PAPPA: variants seen among roughly 807,000 people sequenced by gnomAD.
The protein encoded by PAPPA is pappalysin 1, also known as pappalysin-1.
PAPPA carries 60 observed loss-of-function variants against 164.0 expected under a neutral mutation model. The ratio of observed to expected loss-of-function variants is 0.37; its 90% confidence interval spans 0.30 to 0.45. The LOEUF (loss-of-function observed/expected upper bound fraction) is 0.45, where lower values mean the gene tolerates loss of function less well. Ranked by LOEUF, PAPPA falls within the 20% of genes least tolerant of loss-of-function variation. PAPPA has a pLI of 1.00. For synonymous variants in PAPPA, 875 were observed against 814.1 expected, an observed-to-expected ratio of 1.07 and a Z score of -1.27; for missense variants, 1,782 against 2,087.3, an observed-to-expected ratio of 0.85 and a Z score of 2.85.
At chr9:116,367,776 C>T in intron 19 of PAPPA, 22 bp downstream of exon 19, 1 of 1,491,804 alleles carries the variant, frequency 6.7e-7, no homozygotes, top group South Asian at 1.1e-5. Context: ...GGGACATCTA[C>T]CCACCTGCAG....
intron 5 of PAPPA, among the ~76,000 whole-genome samples, chr9:116,224,107 A>G (rs1844476422): frequency 6.6e-6 from 1 of 152,058 alleles, no homozygotes; most frequent in Non-Finnish European, 1.5e-5. Context: ...GGCCATCCTC[A>G]TGTCCTCCTG....
chr9:116,294,605 A>C (rs560819464), intron 9 of PAPPA, among the ~76,000 whole-genome samples: 1 of 152,314 alleles, frequency 6.6e-6, no homozygotes, highest in South Asian at 2.1e-4. Context: ...TCCCCTTTGT[A>C]AACCTTCAGC....
At chr9:116,256,008 T>TG (rs937185485) in intron 7 of PAPPA, among the ~76,000 whole-genome samples, 1 of 145,802 alleles carries the variant, frequency 6.9e-6, no homozygotes, top group African/African-American at 2.5e-5. Flanking sequence ...AAAAATTAAG[T>TG]GAAAAAAAAA....
At chr9:116,220,949 G>GTTTTTTTT (rs35056605) in intron 5 of PAPPA, among the ~76,000 whole-genome samples, 1 of 143,088 alleles carries the variant, frequency 7.0e-6, no homozygotes. Context: ...TGCACCAAAT[G>GTTTTTTTT]TTTTTTTTTT....
chr9:116,187,742 C>A lies in PAPPA; in HGVS notation c.1004C>A (p.Thr335Lys). 1 of 1,614,260 alleles carries A rather than the reference C, an allele frequency of 6.2e-7. No homozygotes were observed. Among genetic ancestry groups the A allele is most frequent in the Non-Finnish European group, 8.5e-7 (1 of 1,180,038 alleles). Residue 335 changes from threonine to lysine, a missense_variant, in exon 2 of 22, where the codon ACA becomes AAA. By Grantham distance (78) the Thr-to-Lys change is moderately conservative (BLOSUM62 -1). This residue lies in a region of PAPPA where 1,324 missense variants were observed against 1,656.9 expected (regional missense o/e 0.80). Transcript: ENST00000328252. This position sits in a 1 kb window ranked among gnomAD's most constrained non-coding sequence, Gnocchi z 4.2. ...TGCGGACAGACATTGTGTGACAACA[C>A]AGAGGTCATTGCCAGCTACAATCAG... ...PLCGQTLCDN[T>K]EVIASYNQLS...
intron 1 of PAPPA, among the ~76,000 whole-genome samples, chr9:116,157,953 T>G (rs1450244142): frequency 6.6e-6 from 1 of 151,834 alleles, no homozygotes; most frequent in Non-Finnish European, 1.5e-5. Context: ...ATTTGCTCCA[T>G]CGAGCAGAGG....
intron 21 of PAPPA, among the ~76,000 whole-genome samples, chr9:116,394,031 G>T (rs551435511): frequency 3.5e-4 from 54 of 152,262 alleles, no homozygotes; most frequent in Admixed American, 4.6e-4. Context: ...ATCCCTCATG[G>T]GTGTTTGAGC....
At chr9:116,173,124 A>C (rs1843792139) in intron 1 of PAPPA, among the ~76,000 whole-genome samples, 1 of 152,188 alleles carries the variant, frequency 6.6e-6, no homozygotes, top group South Asian at 2.1e-4. Flanking sequence ...AGGCTGAACT[A>C]ATCATCCTCT....
intron 6 of PAPPA, among the ~76,000 whole-genome samples, chr9:116,231,215 T>C (rs1340437258): frequency 6.6e-6 from 1 of 152,206 alleles, no homozygotes; most frequent in Non-Finnish European, 1.5e-5. Context: ...AACATGTAAT[T>C]TTTAATTTAA....
chr9:116,292,544 T>C (rs1303011072), intron 9 of PAPPA, among the ~76,000 whole-genome samples: 1 of 152,178 alleles, frequency 6.6e-6, no homozygotes, highest in Non-Finnish European at 1.5e-5. Context: ...TTGGTCATTG[T>C]TAAGTGATGG....
chr9:116,323,022 G>A (rs377166136), intron 10 of PAPPA, among the ~76,000 whole-genome samples: 35 of 152,232 alleles, frequency 2.3e-4, no homozygotes, highest in African/African-American at 6.7e-4. Flanking sequence ...CTGTAAAATC[G>A]AAATTCAATG....
chr9:116,398,859 G>A lies in PAPPA; in HGVS notation c.*2243G>A, dbSNP rs931982815. The A allele has an allele frequency of 1.1e-5, 4 of 366,406 alleles. No homozygotes were observed. Among genetic ancestry groups the A allele is most frequent in the African/African-American group, 4.3e-5 (2 of 46,944 alleles). The allele number at this position is 366,406 out of a possible 1,614,324, so 22.7% of individuals were successfully genotyped here. A position where few individuals can be genotyped will look rare whatever the true frequency, so the allele number is the denominator to read the frequency against. ...GCAAGAAATAAGAATAGTATTAGAA[G>A]AATTGATCCTATTTTGAACCCCTCT... is the stretch of plus-strand genomic sequence containing the variant. On this transcript the variant is annotated 3_prime_UTR_variant, in exon 22 of 22. Coordinates refer to ENST00000328252, the MANE Select transcript of PAPPA (RefSeq NM_002581.5).
intron 8 of PAPPA, 80 bp downstream of exon 8, chr9:116,266,065 T>C: frequency 7.8e-7 from 1 of 1,276,994 alleles, no homozygotes; most frequent in Non-Finnish European, 1.1e-6. Context: ...ACAGAAGAGC[T>C]TATGACATAT....
At position 116,347,507 on chromosome 9, in the gene PAPPA, A is replaced by C. The variant is rs532536207; in HGVS notation, c.3964+298A>C. Among the ~76,000 whole-genome samples, 4 of 152,338 alleles carry C rather than the reference A, an allele frequency of 2.6e-5. No homozygotes were observed. The East Asian group carries it at 7.7e-4, about 29-fold the overall frequency. The stretch of plus-strand genomic sequence containing the variant: ...AGGGAGGGAAGAAGGAAGAGAGAAA[A>C]AGAAAAAAAAGTTACATTTGGGACT... On this transcript the variant is annotated intron_variant, in intron 15 of 21. Coordinates refer to ENST00000328252, the MANE Select transcript of PAPPA (RefSeq NM_002581.5). This position sits in a 1 kb window ranked among gnomAD's most constrained non-coding sequence, Gnocchi z 4.5.
chr9:116,268,878 A>T (rs1178866278), intron 8 of PAPPA, among the ~76,000 whole-genome samples: 2 of 151,846 alleles, frequency 1.3e-5, no homozygotes, highest in South Asian at 2.1e-4. Flanking sequence ...AACTTTGGGG[A>T]AAAGAAGGGA....
intron 10 of PAPPA, among the ~76,000 whole-genome samples, chr9:116,324,929 G>A (rs2118935057): frequency 6.6e-6 from 1 of 152,346 alleles, no homozygotes; most frequent in Admixed American, 6.5e-5. Flanking sequence ...GCTGTGTCAA[G>A]GGAAGGTTCC....
At chr9:116,293,033 C>T (rs149452833) in intron 9 of PAPPA, among the ~76,000 whole-genome samples, 40 of 152,288 alleles carry the variant, frequency 2.6e-4, no homozygotes, top group Admixed American at 5.9e-4. Flanking sequence ...TGACATCATG[C>T]TCAGCTTTAG....
At chr9:116,383,087 C>A (rs2118702982) in intron 21 of PAPPA, among the ~76,000 whole-genome samples, 1 of 152,176 alleles carries the variant, frequency 6.6e-6, no homozygotes, top group African/African-American at 2.4e-5. Flanking sequence ...TTCTTTATAT[C>A]AGGACACACC....
intron 9 of PAPPA, among the ~76,000 whole-genome samples, chr9:116,282,217 A>C (rs1314453763): frequency 6.6e-6 from 1 of 152,198 alleles, no homozygotes; most frequent in African/African-American, 2.4e-5. Context: ...ATATACTTCA[A>C]ATCATCTCTA....
Sources: allele counts gnomAD v4.1 joint callset (sites outside exome capture counted in the v4.1 genomes callset), GRCh38; gene constraint gnomAD v4.1.1; regional missense constraint gnomAD v4.1.1; non-coding constraint Gnocchi (gnomAD v3.1); transcripts MANE v1.5; gene names NCBI Gene and HGNC (gene_info 2026-07-23, HGNC 2026-07-21).